MYO16: variants seen among roughly 807,000 people sequenced by gnomAD.
MYO16 encodes myosin XVI.
Under a neutral mutation model 205.3 loss-of-function variants are expected in MYO16, and 94 were observed. The observed-to-expected ratio is 0.46, with a 90% CI of 0.39 to 0.54. The LOEUF is 0.54. Among genes scored for constraint, MYO16 ranks in the 20% least tolerant of loss-of-function variants. MYO16 has a pLI of 0.00. For synonymous variants in MYO16, 988 were observed against 954.0 expected (o/e 1.04, Z -0.66); for missense variants, 2,315 against 2,387.5 (o/e 0.97, Z 0.63).
intron 34 of MYO16, among the ~76,000 whole-genome samples, chr13:109,186,903 TAA>T (rs1249926752): frequency 2.6e-5 from 4 of 152,216 alleles, no homozygotes; most frequent in Non-Finnish European, 5.9e-5. Flanking sequence ...ATGGAAGTGC[TAA>T]GTTTCTGCTC....
At chr13:108,530,926 G>C in the MYO16 span, among the ~76,000 whole-genome samples, 700 of 151,772 alleles carry the variant, frequency 4.6e-3, 6 homozygotes, top group African/African-American at 0.016. Flanking sequence ...TCTTGCGTTT[G>C]TTTATGGTTT....
intron 16 of MYO16, among the ~76,000 whole-genome samples, chr13:108,922,125 A>G (rs1881772639): frequency 6.6e-6 from 1 of 152,212 alleles, no homozygotes. Flanking sequence ...CTTGTTGGAC[A>G]TCAACTGGGG....
chr13:108,569,669 C>T, the MYO16 span, among the ~76,000 whole-genome samples: 4 of 152,082 alleles, frequency 2.6e-5, no homozygotes, highest in East Asian at 5.8e-4. Flanking sequence ...TGGCTGGAAA[C>T]GCCCTTCAAA....
intron 28 of MYO16, among the ~76,000 whole-genome samples, chr13:109,119,665 G>GT (rs1303145394): frequency 6.6e-6 from 1 of 152,160 alleles, no homozygotes; most frequent in African/African-American, 2.4e-5. Context: ...ATATCAGTAC[G>GT]TTTGGATAAG....
intron 32 of MYO16, among the ~76,000 whole-genome samples, chr13:109,154,208 G>A (rs535082378): frequency 7.2e-4 from 110 of 152,320 alleles, no homozygotes; most frequent in Non-Finnish European, 1.3e-3. Flanking sequence ...TTCAGCTGGT[G>A]TCCACAGGTG....
chr13:109,005,313 C>T (rs1885352710), intron 21 of MYO16, among the ~76,000 whole-genome samples: 1 of 152,086 alleles, frequency 6.6e-6, no homozygotes, highest in African/African-American at 2.4e-5. Context: ...TAATTTATCA[C>T]TGAATTTAAG....
At chr13:109,059,646 A>T (rs1311239278) in intron 27 of MYO16, among the ~76,000 whole-genome samples, 1 of 152,064 alleles carries the variant, frequency 6.6e-6, no homozygotes, top group Non-Finnish European at 1.5e-5. Flanking sequence ...TTCCTTGTAG[A>T]TTCTGGATGT....
At chr13:109,030,777 T>G (rs1886523589) in intron 23 of MYO16, among the ~76,000 whole-genome samples, 1 of 151,924 alleles carries the variant, frequency 6.6e-6, no homozygotes. Context: ...TCAACTAAAC[T>G]CCCTACCCAT....
At chr13:108,531,929 C>T in the MYO16 span, among the ~76,000 whole-genome samples, 6 of 151,998 alleles carry the variant, frequency 3.9e-5, no homozygotes, top group African/African-American at 1.4e-4. Context: ...GCAGAAGGCC[C>T]GGCCTGGTGG....
intron 20 of MYO16, among the ~76,000 whole-genome samples, chr13:108,987,706 A>G (rs9559453): frequency 0.44 from 66,854 of 151,940 alleles, 15,117 homozygotes; most frequent in East Asian, 0.67. Context: ...AACTCAGTCT[A>G]AGGGTTTTTG....
intron 4 of MYO16, among the ~76,000 whole-genome samples, chr13:108,743,087 G>A (rs1884958227): frequency 6.6e-6 from 1 of 152,156 alleles, no homozygotes; most frequent in African/African-American, 2.4e-5. Context: ...CATTTTAATA[G>A]TTGCATTTCA....
intron 12 of MYO16, among the ~76,000 whole-genome samples, chr13:108,878,187 G>A (rs953164317): frequency 4.6e-5 from 7 of 152,106 alleles, no homozygotes; most frequent in African/African-American, 1.7e-4. Context: ...CCTCAAGCCT[G>A]GTAACCCACA....
intron 6 of MYO16, among the ~76,000 whole-genome samples, chr13:108,798,688 ATTTTTTTTTT>A (rs35432777): frequency 3.8e-4 from 27 of 70,368 alleles, no homozygotes; most frequent in African/African-American, 1.6e-3. Flanking sequence ...CCCGAGGCTT[ATTTTTTTTTT>A]TTTTTTTTTT....
At chr13:108,850,813 T>C (rs1349552437) in intron 10 of MYO16, among the ~76,000 whole-genome samples, 1 of 152,214 alleles carries the variant, frequency 6.6e-6, no homozygotes, top group African/African-American at 2.4e-5. Context: ...ACACTGGCTC[T>C]GCCCCACTGT....
intron 12 of MYO16, among the ~76,000 whole-genome samples, chr13:108,877,597 T>C (rs1566385047): frequency 6.6e-6 from 1 of 152,252 alleles, no homozygotes; most frequent in Non-Finnish European, 1.5e-5. Flanking sequence ...TAATATAGCA[T>C]CTTATAGTTT....
intron 1 of MYO16, among the ~76,000 whole-genome samples, chr13:108,661,341 G>A (rs1490855119): frequency 3.3e-5 from 5 of 151,968 alleles, no homozygotes. Context: ...TCTCAAGGCT[G>A]GGGAAATTTT....
chr13:108,627,954 G>A (rs1037986187), upstream of MYO16, among the ~76,000 whole-genome samples: 1 of 152,070 alleles, frequency 6.6e-6, no homozygotes, highest in South Asian at 2.1e-4. Context: ...CATCTACATG[G>A]ATACAACCTT....
At chr13:108,748,274 C>G (rs902426200) in intron 4 of MYO16, among the ~76,000 whole-genome samples, 17 of 152,004 alleles carry the variant, frequency 1.1e-4, no homozygotes, top group African/African-American at 3.6e-4. Context: ...CCAAAAAAGT[C>G]TCAGGATTAT....
At chr13:108,989,399 A>C (rs1884743940) in intron 20 of MYO16, among the ~76,000 whole-genome samples, 1 of 152,210 alleles carries the variant, frequency 6.6e-6, no homozygotes, top group Non-Finnish European at 1.5e-5. Context: ...AATAGTTAAA[A>C]GAAGTAAACA....
Sources: allele counts gnomAD v4.1 joint callset (sites outside exome capture counted in the v4.1 genomes callset), GRCh38; gene constraint gnomAD v4.1.1; transcripts MANE v1.5; gene names NCBI Gene and HGNC (gene_info 2026-07-23, HGNC 2026-07-21).